The following TRAM2 variants were observed in gnomAD, a reference collection of about 807,000 sequenced individuals.
The protein encoded by TRAM2 is translocation associated membrane protein 2.
A neutral mutation model predicts 51.0 loss-of-function variants in TRAM2; 12 were observed. That is an observed-to-expected ratio of 0.24 (90% CI 0.15 to 0.38). The LOEUF (loss-of-function observed/expected upper bound fraction) is 0.38. Among genes scored for constraint, TRAM2 ranks in the 10% least tolerant of loss-of-function variants. The pLI is 1.00. For missense variants in TRAM2, 361 were observed against 462.0 expected, an observed-to-expected ratio of 0.78 and a Z score of 2.00; for synonymous variants, 175 against 179.4, an observed-to-expected ratio of 0.98 and a Z score of 0.20.
At chr6:52,503,400 C>T (rs747602669) in intron 10 of TRAM2, 130 bp from the exon 11 acceptor site, 321 of 798,774 alleles carry the variant, frequency 4.0e-4, no homozygotes, top group African/African-American at 9.3e-4. Flanking sequence ...ACCAAAGGGG[C>T]GCCAGGCTGC....
chr6:52,576,490 C>T (rs1767767746), intron 1 of TRAM2, among the ~76,000 whole-genome samples: 1 of 152,220 alleles, frequency 6.6e-6, no homozygotes, highest in Admixed American at 6.5e-5. Flanking sequence ...GCCATGGTGG[C>T]AGCGCGGCGG....
rs1158106951 is a variant in TRAM2, at chr6:52,502,034, T to G, written c.*1163A>C. The G allele has an allele frequency of 6.6e-6, 1 of 152,212 alleles. No individual in the cohort carries two copies. Among genetic ancestry groups the G allele is most frequent in the African/African-American group, 2.4e-5 (1 of 41,446 alleles). 9.4% of individuals were successfully genotyped at this position (152,212 alleles called of 1,614,324 possible). On this transcript the variant is annotated 3_prime_UTR_variant, in exon 11 of 11. Coordinates refer to ENST00000182527, the MANE Select transcript of TRAM2 (RefSeq NM_012288.4). ...AGTCATGGTTTCATGCAGTCTAAAA[T>G]GCTGTAGTTGTGCTCAAAAAACGAC...
chr6:52,565,153 A>C (rs956303766), intron 1 of TRAM2, among the ~76,000 whole-genome samples: 1 of 152,148 alleles, frequency 6.6e-6, no homozygotes, highest in African/African-American at 2.4e-5. Context: ...TCTTGGAAGG[A>C]GTCTAAGTAG....
At chr6:52,522,803 T>C in intron 2 of TRAM2, 1 of 662,418 alleles carries the variant, frequency 1.5e-6, no homozygotes, top group Non-Finnish European at 2.7e-6. Flanking sequence ...TGAGCAGCTG[T>C]CCCTTTTGGG....
At chr6:52,529,473 G>C (rs1766846651) in intron 2 of TRAM2, 1 of 152,110 alleles carries the variant, frequency 6.6e-6, no homozygotes, top group Non-Finnish European at 1.5e-5. Flanking sequence ...AATCTCCGGA[G>C]CTCTTGTTAA....
intron 2 of TRAM2, among the ~76,000 whole-genome samples, chr6:52,525,258 A>G (rs1011563004): frequency 6.6e-6 from 1 of 152,152 alleles, no homozygotes; most frequent in African/African-American, 2.4e-5. Context: ...AGGTGCCCTC[A>G]TTAAACCCTG....
intron 1 of TRAM2, among the ~76,000 whole-genome samples, chr6:52,551,947 C>T (rs867916087): frequency 1.2e-4 from 18 of 152,270 alleles, no homozygotes; most frequent in African/African-American, 3.9e-4. Flanking sequence ...CACAGCATCT[C>T]CCAAGCCAAT....
rs1246367502 is a variant in TRAM2 at position 52,523,836 on chromosome 6, ATATAGT to A, written c.185-7105_185-7100del. 3 of 152,358 alleles carry A rather than the reference ATATAGT, an allele frequency of 2.0e-5. No individual in the cohort carries two copies. In the East Asian group the frequency reaches 5.8e-4, roughly 29 times the overall value. The allele number at this position is 152,358 out of a possible 1,614,324, so 9.4% of individuals were successfully genotyped here. A position where few individuals can be genotyped will look rare whatever the true frequency, so the allele number is the denominator to read the frequency against. On this transcript the variant is annotated intron_variant, in intron 2 of 10. Coordinates refer to ENST00000182527, the MANE Select transcript of TRAM2 (RefSeq NM_012288.4). Reference sequence around the variant, plus strand: ...TGTTTTATCTATAGGGAACTGGTAGATATAGTTATAATACACCAGGGTTACTCAACA... The same window carrying A: ...TGTTTTATCTATAGGGAACTGGTAGATATAATACACCAGGGTTACTCAACA...
intron 3 of TRAM2, 30 bp from the exon 4 acceptor site, chr6:52,516,152 A>G (rs1766543974): frequency 6.3e-7 from 1 of 1,589,854 alleles, no homozygotes; most frequent in South Asian, 1.1e-5. Flanking sequence ...CCTCATATTA[A>G]TATACAAATG....
chr6:52,544,795 A>C (rs1427821987), intron 1 of TRAM2, among the ~76,000 whole-genome samples: 1 of 152,222 alleles, frequency 6.6e-6, no homozygotes, highest in Non-Finnish European at 1.5e-5. Flanking sequence ...GAGAAGGAAA[A>C]TAACAACATA....
At chr6:52,529,032 A>AC (rs147883562) in intron 2 of TRAM2, among the ~76,000 whole-genome samples, 12,948 of 152,066 alleles carry the variant, frequency 0.085, 761 homozygotes, top group Non-Finnish European at 0.12. Flanking sequence ...CTGGGACTAC[A>AC]AGTGCCCACC....
intron 1 of TRAM2, among the ~76,000 whole-genome samples, chr6:52,539,535 C>T (rs1271214266): frequency 1.4e-5 from 2 of 145,972 alleles, no homozygotes; most frequent in Non-Finnish European, 3.0e-5. Flanking sequence ...GTATAATTTA[C>T]ACAACAAAAA....
intron 2 of TRAM2, among the ~76,000 whole-genome samples, chr6:52,530,299 A>G (rs1376854467): frequency 1.3e-5 from 2 of 152,234 alleles, no homozygotes; most frequent in Non-Finnish European, 2.9e-5. Context: ...ACCAGGATGC[A>G]TAAGATGCAT....
chr6:52,565,579 TCAGA>T (rs1767577546), intron 1 of TRAM2, among the ~76,000 whole-genome samples: 1 of 152,088 alleles, frequency 6.6e-6, no homozygotes, highest in African/African-American at 2.4e-5. Flanking sequence ...CTGCTAGAAA[TCAGA>T]CAAAGGGAAA....
intron 1 of TRAM2, among the ~76,000 whole-genome samples, chr6:52,538,941 T>G (rs1349581695): frequency 6.6e-6 from 1 of 152,230 alleles, no homozygotes. Context: ...TGGTCCCATT[T>G]TTGTCAACAG....
At chr6:52,539,026 A>G (rs1426907911) in intron 1 of TRAM2, among the ~76,000 whole-genome samples, 1 of 152,188 alleles carries the variant, frequency 6.6e-6, no homozygotes, top group Non-Finnish European at 1.5e-5. Context: ...TGATTCATTA[A>G]CATTGAATTC....
intron 1 of TRAM2, among the ~76,000 whole-genome samples, chr6:52,573,588 G>T (rs993723186): frequency 1.3e-5 from 2 of 152,308 alleles, no homozygotes; most frequent in African/African-American, 4.8e-5. Context: ...AAACAGGATG[G>T]CTCAACACTA....
At chr6:52,542,278 A>ATTTTT (rs773694383) in intron 1 of TRAM2, among the ~76,000 whole-genome samples, 1 of 99,444 alleles carries the variant, frequency 1.0e-5, no homozygotes, top group Non-Finnish European at 1.7e-5. Flanking sequence ...TTTTTTTTTA[A>ATTTTT]AAAAAATAGT....
intron 1 of TRAM2, among the ~76,000 whole-genome samples, chr6:52,558,657 A>G (rs761949726): frequency 1.3e-5 from 2 of 152,228 alleles, no homozygotes; most frequent in Non-Finnish European, 2.9e-5. Flanking sequence ...GAAATCTGGT[A>G]GCGTGTAGGT....
Sources: gnomAD v4.1 joint callset for allele counts (sites outside exome capture counted in the v4.1 genomes callset) on GRCh38, gnomAD v4.1.1 for gene constraint, MANE v1.5 for transcripts, NCBI Gene and HGNC (gene_info 2026-07-23, HGNC 2026-07-21) for gene names.